The following SLC16A9 variants were observed in gnomAD, a reference collection of about 807,000 sequenced individuals.
SLC16A9 encodes the protein solute carrier family 16 member 9, also known as monocarboxylate transporter 9.
In SLC16A9, 26 loss-of-function variants were observed where a neutral mutation model predicts 44.3. The ratio of observed to expected loss-of-function variants is 0.59; its 90% CI spans 0.43 to 0.81. SLC16A9 has a LOEUF of 0.81. Ranked by LOEUF, SLC16A9 falls within the 40% of genes least tolerant of loss-of-function variation. SLC16A9 has a pLI of 0.00. For missense variants in SLC16A9, 559 were observed against 595.8 expected, an observed-to-expected ratio of 0.94 and a Z score of 0.64; for synonymous variants, 230 against 225.1, an observed-to-expected ratio of 1.02 and a Z score of -0.19.
intron 2 of SLC16A9, among the ~76,000 whole-genome samples, chr10:59,678,040 C>T (rs1839897849): frequency 8.1e-6 from 1 of 122,866 alleles, no homozygotes; most frequent in African/African-American, 3.0e-5. Context: ...TCCCCCCTCC[C>T]CCCACCCCAC....
intron 1 of SLC16A9, among the ~76,000 whole-genome samples, chr10:59,706,752 C>A (rs893748902): frequency 9.9e-5 from 15 of 152,008 alleles, no homozygotes; most frequent in Admixed American, 7.9e-4. Context: ...GCGGGTTGAT[C>A]ACCTGAGGTC....
intron 4 of SLC16A9, among the ~76,000 whole-genome samples, chr10:59,664,009 T>C (rs1433121824): frequency 1.0e-5 from 1 of 99,620 alleles, no homozygotes; most frequent in Non-Finnish European, 2.2e-5. Flanking sequence ...ATACAAGACA[T>C]AAAAATTTAT....
intron 2 of SLC16A9, among the ~76,000 whole-genome samples, chr10:59,673,734 A>C (rs770853003): frequency 3.3e-5 from 5 of 152,202 alleles, no homozygotes; most frequent in Non-Finnish European, 7.4e-5. Context: ...GTGTTTACTA[A>C]AGCCGAACAC....
intron 3 of SLC16A9, 87 bp from the exon 4 acceptor site, chr10:59,664,409 A>T (rs1322974020): frequency 1.3e-6 from 1 of 787,452 alleles, no homozygotes; most frequent in Admixed American, 2.4e-5. Context: ...GTCCGATAAG[A>T]CATTCCATTA....
chr10:59,674,096 T>A (rs1839809134), intron 2 of SLC16A9, among the ~76,000 whole-genome samples: 1 of 152,192 alleles, frequency 6.6e-6, no homozygotes, highest in Non-Finnish European at 1.5e-5. Context: ...TTGGCATGAA[T>A]GTAATGATTA....
At chr10:59,653,029 TTA>T in intron 5 of SLC16A9, 79 bp from the exon 6 acceptor site, 1 of 1,049,264 alleles carries the variant, frequency 9.5e-7, no homozygotes. Context: ...TATATCAGTT[TTA>T]TATATAGTTA....
chr10:59,682,089 G>A (rs1840038437), intron 2 of SLC16A9, among the ~76,000 whole-genome samples: 1 of 152,026 alleles, frequency 6.6e-6, no homozygotes, highest in African/African-American at 2.4e-5. Flanking sequence ...GCTCAATGGT[G>A]GTAGAGCCAG....
chr10:59,687,773 C>A (rs1426241809), intron 1 of SLC16A9, among the ~76,000 whole-genome samples: 1 of 152,022 alleles, frequency 6.6e-6, no homozygotes, highest in Non-Finnish European at 1.5e-5. Context: ...CCAGCCTGGG[C>A]AACATAGTGA....
chr10:59,694,801 AATATATAT>A lies in SLC16A9; in HGVS notation c.-36-10482_-36-10475del, dbSNP rs1554874045. Among the ~76,000 whole-genome samples, 4 of 72,486 alleles carry A rather than the reference AATATATAT, an allele frequency of 5.5e-5. No homozygotes were observed. In the Admixed American group the frequency reaches 5.6e-4, roughly 10 times the overall value. The allele number at this position is 72,486 out of a possible 152,430, so 47.6% of individuals were successfully genotyped here. A position where few individuals can be genotyped will look rare whatever the true frequency, so the allele number is the denominator to read the frequency against. On this transcript the variant is annotated intron_variant, in intron 1 of 5. Coordinates refer to ENST00000395348, the MANE Select transcript of SLC16A9 (RefSeq NM_194298.3). ...GGTAACAGAGCGAGACTCCATCTCA[AATATATAT>A]ATATATATACACACACACACACACA...
At chr10:59,653,218 G>A (rs979045326) in intron 5 of SLC16A9, among the ~76,000 whole-genome samples, 10 of 151,084 alleles carry the variant, frequency 6.6e-5, no homozygotes, top group African/African-American at 2.5e-4. Flanking sequence ...AGGAGATGGA[G>A]ACCATCCTGG....
chr10:59,659,251 T>G (rs1839417980), intron 4 of SLC16A9, among the ~76,000 whole-genome samples: 1 of 152,094 alleles, frequency 6.6e-6, no homozygotes. Flanking sequence ...CGTAGGTCAG[T>G]GAGAGGTATT....
At chr10:59,710,052 GTCGGCCAGGCGCCC>G (rs1840731956), upstream of SLC16A9, 2 of 152,244 alleles carry the variant, frequency 1.3e-5, no homozygotes, top group South Asian at 2.1e-4. Context: ...GGTGGGCGCC[GTCGGCCAGGCGCCC>G]TCTCGGTGCG....
intron 4 of SLC16A9, among the ~76,000 whole-genome samples, chr10:59,660,314 G>T (rs1297372385): frequency 6.6e-6 from 1 of 152,112 alleles, no homozygotes; most frequent in Non-Finnish European, 1.5e-5. Flanking sequence ...AAATGATAAA[G>T]GGGAGATCAC....
At chr10:59,684,937 G>C (rs12572003) in intron 1 of SLC16A9, among the ~76,000 whole-genome samples, 1 of 152,104 alleles carries the variant, frequency 6.6e-6, no homozygotes, top group Non-Finnish European at 1.5e-5. Flanking sequence ...TCCCTTCAAA[G>C]GAGGCAATCT....
intron 2 of SLC16A9, among the ~76,000 whole-genome samples, chr10:59,674,156 A>G (rs570658705): frequency 1.3e-5 from 2 of 152,318 alleles, no homozygotes; most frequent in Admixed American, 1.3e-4. Context: ...CTGTCATGAT[A>G]CATACACTTT....
Position 59,653,784 on chromosome 10 carries a change from G to A in SLC16A9, c.1242C>T (p.Ile414=). The A allele has an allele frequency of 6.2e-7, 1 of 1,614,048 alleles. No individual in the cohort carries two copies. Among genetic ancestry groups the A allele is most frequent in the Non-Finnish European group, 8.5e-7 (1 of 1,179,940 alleles). Residue 414 remains isoleucine, a synonymous_variant, in exon 5 of 6, where the codon ATC becomes ATT. Coordinates refer to ENST00000395348, the MANE Select transcript of SLC16A9 (RefSeq NM_194298.3). ...ILGFLTGNWS[I]FPYVTTKTVG... Reference sequence around the variant, plus strand: ...CAGTCTTCGTGGTCACATATGGAAAGATGGACCAATTACCAGTAAGAAACC... The same window carrying A: ...CAGTCTTCGTGGTCACATATGGAAAAATGGACCAATTACCAGTAAGAAACC...
Position 59,656,116 on chromosome 10 carries a change from G to C in SLC16A9, c.437-1527C>G, listed in dbSNP as rs568357240. Among the ~76,000 whole-genome samples, 4 of 152,318 alleles carry C rather than the reference G, an allele frequency of 2.6e-5. No homozygotes were observed. In the South Asian group the frequency reaches 6.2e-4, roughly 24 times the overall value. The stretch of plus-strand genomic sequence containing the variant: ...ATAGTATCTTTTGGGACTGCTAAGA[G>C]AGTATCTCTTTGCTAACTACTGAGA... On this transcript the variant is annotated intron_variant, in intron 4 of 5. Coordinates refer to ENST00000395348, the MANE Select transcript of SLC16A9 (RefSeq NM_194298.3).
At chr10:59,667,265 C>G (rs142355455) in intron 3 of SLC16A9, among the ~76,000 whole-genome samples, 99 of 152,300 alleles carry the variant, frequency 6.5e-4, no homozygotes, top group African/African-American at 2.2e-3. Flanking sequence ...TGAAAAGACT[C>G]TTAAACACTC....
At chr10:59,697,088 G>T (rs1371668732) in intron 1 of SLC16A9, among the ~76,000 whole-genome samples, 3 of 82,156 alleles carry the variant, frequency 3.7e-5, no homozygotes, top group African/African-American at 1.3e-4. Flanking sequence ...CCCGCCAGCC[G>T]CCCTGTCCGG....
Sources: allele counts gnomAD v4.1 joint callset (sites outside exome capture counted in the v4.1 genomes callset), GRCh38; gene constraint gnomAD v4.1.1; transcripts MANE v1.5; gene names NCBI Gene and HGNC (gene_info 2026-07-23, HGNC 2026-07-21).